Variants in MPPE1 observed in about 807,000 individuals in gnomAD.
MPPE1 encodes the protein metallo phosphoesterase.
MPPE1 carries 28 observed loss-of-function variants against 43.8 expected under a neutral mutation model. The observed-to-expected ratio is 0.64, with a 90% CI of 0.47 to 0.88. The LOEUF (loss-of-function observed/expected upper bound fraction) is 0.88. Ranked by LOEUF, MPPE1 falls within the 40% of genes least tolerant of loss-of-function variation. The probability of loss-of-function intolerance (pLI) is 0.00; values close to 1 mark genes in which losing one functional copy is unlikely to be tolerated. For synonymous variants in MPPE1, 159 were observed against 188.5 expected (o/e 0.84, Z 1.28); for missense variants, 428 against 492.2 (o/e 0.87, Z 1.23).
chr18:11,907,469 ACCAG>A (rs2039825735), intron 1 of MPPE1, among the ~76,000 whole-genome samples: 3 of 152,132 alleles, frequency 2.0e-5, no homozygotes, highest in Admixed American at 6.5e-5. Context: ...TGGCTGTGTC[ACCAG>A]CCATGGTCAC....
At chr18:11,905,034 G>T (rs959587345) in intron 2 of MPPE1, 1 of 151,452 alleles carries the variant, frequency 6.6e-6, no homozygotes. Context: ...CTTCTGGGCA[G>T]GTGGCTCACA....
chr18:11,902,931 CT>C (rs1171005605), intron 2 of MPPE1: 1 of 152,416 alleles, frequency 6.6e-6, no homozygotes, highest in Admixed American at 6.5e-5. Context: ...TGGGCTCTCC[CT>C]GCCCCAACTC....
chr18:11,905,720 C>G (rs998015807), intron 2 of MPPE1: 4 of 152,282 alleles, frequency 2.6e-5, no homozygotes, highest in African/African-American at 9.6e-5. Flanking sequence ...CAGACACCCC[C>G]ACCCCGGTGA....
chr18:11,897,301 C>T lies in MPPE1; in HGVS notation c.-37G>A, dbSNP rs369774529. On this transcript the variant is annotated 5_prime_UTR_variant, in exon 3 of 11. The change creates a new upstream start codon in the 5' untranslated region. Coordinates refer to ENST00000588072, the MANE Select transcript of MPPE1 (RefSeq NM_023075.6). ...CAACAAATCCATCAAGGGTTCACCA[C>T]GAGAAAACTGCAGAGCCCTGGGGAG... 3.7e-5 allele frequency: 34 copies of T among 928,956 alleles called. No individual in the cohort carries two copies. The highest frequency in any genetic ancestry group is 3.5e-4 in the African/African-American group (21 of 60,190). 57.5% of individuals were successfully genotyped at this position (928,956 alleles called of 1,614,324 possible).
At chr18:11,899,679 A>C (rs1333256777) in intron 2 of MPPE1, among the ~76,000 whole-genome samples, 1 of 152,182 alleles carries the variant, frequency 6.6e-6, no homozygotes, top group Non-Finnish European at 1.5e-5. Context: ...TTCAGATGTC[A>C]GAGAAGCCCC....
chr18:11,900,509 AAAAAT>A (rs956773239), intron 2 of MPPE1, among the ~76,000 whole-genome samples: 8 of 152,102 alleles, frequency 5.3e-5, no homozygotes, highest in Admixed American at 3.9e-4. Flanking sequence ...TCCATCTCAA[AAAAAT>A]AAAATAAAAT....
chr18:11,895,965 C>A (rs76949561), intron 3 of MPPE1, among the ~76,000 whole-genome samples: 7,647 of 152,120 alleles, frequency 0.05, 356 homozygotes, highest in African/African-American at 0.13. Flanking sequence ...GACCAGACAT[C>A]AATCAGGATC....
intron 6 of MPPE1, among the ~76,000 whole-genome samples, chr18:11,888,207 C>G (rs2037556395): frequency 6.6e-6 from 1 of 152,176 alleles, no homozygotes; most frequent in Non-Finnish European, 1.5e-5. Context: ...AAGCCCAGGC[C>G]AATGGAGATG....
At position 11,884,579 on chromosome 18, in the gene MPPE1, G is replaced by A. The variant is rs144278251; in HGVS notation, c.1057C>T (p.Arg353Cys). The change falls in exon 11 of 11, where the codon CGT (arginine) becomes TGT (cysteine). Residue 353 changes from arginine (R) to cysteine (C), a missense_variant. By Grantham distance (180) the Arg-to-Cys change is radical. Around this residue, in one of 3 missense-constraint regions of MPPE1, gnomAD observed 379 missense variants for 402.5 expected, o/e 0.94. Transcript: ENST00000588072. ...TAGATGATCAAAACCACATCCTCAC[G>A]TGGGAGGTAGCACTTGGAGAGGGTG... is the stretch of plus-strand genomic sequence containing the variant. ...DYTLSKCYLP[R>C]EDVVLIIYCG... 1.0e-4 allele frequency: 163 copies of A among 1,613,824 alleles called. No homozygotes were observed. The highest frequency in any genetic ancestry group is 4.5e-4 in the Admixed American group (27 of 59,992).
chr18:11,888,946 C>T (rs2037654441), intron 5 of MPPE1, among the ~76,000 whole-genome samples: 1 of 152,150 alleles, frequency 6.6e-6, no homozygotes, highest in Admixed American at 6.5e-5. Flanking sequence ...TACTCAGCTG[C>T]CCAGGGCCTC....
chr18:11,888,393 CAGAA>C (rs1567933643), intron 6 of MPPE1, among the ~76,000 whole-genome samples: 1 of 152,172 alleles, frequency 6.6e-6, no homozygotes, highest in African/African-American at 2.4e-5. Flanking sequence ...ACAGTGCAGA[CAGAA>C]AGACTATCAT....
In MPPE1 at chr18:11,886,132, A is replaced by C. The variant is rs2037207761; in HGVS notation, c.868-316T>G. ...TATTATGTATAATGTAATATGTATT[A>C]TATAAATCTATATAAGAAAATGCAT... On this transcript the variant is annotated intron_variant, in intron 9 of 10. Transcript: ENST00000588072. This position sits in a 1 kb window ranked among gnomAD's most constrained non-coding sequence, Gnocchi z 4.1. The C allele has an allele frequency of 4.7e-6, 1 of 211,978 alleles. No homozygotes were observed. Among genetic ancestry groups the C allele is most frequent in the Admixed American group, 5.6e-5 (1 of 17,748 alleles). 13.1% of individuals were successfully genotyped at this position (211,978 alleles called of 1,614,324 possible).
chr18:11,885,215 A>C lies in MPPE1; in HGVS notation c.1008+461T>G, dbSNP rs867186875. ...CGTACCAGCATCATGAGCTGGATGC[A>C]GGAGCCCATGGCTGAAAGGAGTTAA... is the stretch of plus-strand genomic sequence containing the variant. On this transcript the variant is annotated intron_variant, in intron 10 of 10. Coordinates refer to ENST00000588072, the MANE Select transcript of MPPE1 (RefSeq NM_023075.6). 2.4e-4 allele frequency: 91 copies of C among 372,128 alleles called. 2 individuals are homozygous for C. Among genetic ancestry groups the C allele is most frequent in the African/African-American group, 2.0e-3 (89 of 45,618 alleles). The allele number at this position is 372,128 out of a possible 1,614,324, so 23.1% of individuals were successfully genotyped here. A position where few individuals can be genotyped will look rare whatever the true frequency, so the allele number is the denominator to read the frequency against.
intron 2 of MPPE1, among the ~76,000 whole-genome samples, chr18:11,900,682 C>T (rs994490448): frequency 6.6e-6 from 1 of 151,820 alleles, no homozygotes; most frequent in Non-Finnish European, 1.5e-5. Flanking sequence ...CCAAGGTGGG[C>T]AGATCACGAG....
intron 2 of MPPE1, among the ~76,000 whole-genome samples, chr18:11,901,040 T>A (rs564495370): frequency 5.9e-5 from 9 of 152,160 alleles, no homozygotes; most frequent in African/African-American, 2.2e-4. Flanking sequence ...TGAAGAAATC[T>A]TCTCATAAGT....
intron 3 of MPPE1, among the ~76,000 whole-genome samples, chr18:11,894,215 T>A (rs868669744): frequency 7.6e-4 from 116 of 151,824 alleles, no homozygotes; most frequent in African/African-American, 2.6e-3. Context: ...GATCATAAAG[T>A]TAGGAGTTCA....
intron 9 of MPPE1, 87 bp from the exon 10 acceptor site, chr18:11,885,903 C>T (rs750210729): frequency 4.6e-6 from 6 of 1,301,080 alleles, no homozygotes; most frequent in Admixed American, 3.2e-5. Context: ...CGCTGGCCAT[C>T]GCTTCTTTCC....
chr18:11,903,785 G>A (rs1298860679), intron 2 of MPPE1, among the ~76,000 whole-genome samples: 7 of 152,084 alleles, frequency 4.6e-5, no homozygotes, highest in Non-Finnish European at 7.4e-5. Context: ...CAGCCTGGGG[G>A]ACAGAGCGAG....
chr18:11,897,417 C>T (rs967925797), intron 2 of MPPE1, 61 bp from the exon 3 acceptor site: 1 of 669,610 alleles, frequency 1.5e-6, no homozygotes, highest in African/African-American at 1.8e-5. Context: ...CACGACCTCC[C>T]TCTATTAAGA....
Sources: gnomAD v4.1 joint callset for allele counts (sites outside exome capture counted in the v4.1 genomes callset) on GRCh38, gnomAD v4.1.1 for gene constraint, gnomAD v4.1.1 regional missense constraint, Gnocchi (gnomAD v3.1) non-coding constraint, MANE v1.5 for transcripts, NCBI Gene and HGNC (gene_info 2026-07-23, HGNC 2026-07-21) for gene names.